Variants in HHAT observed in about 807,000 individuals in gnomAD.
The protein encoded by HHAT is hedgehog acyltransferase.
A neutral mutation model predicts 70.8 loss-of-function variants in HHAT; 47 were observed. That is an observed-to-expected ratio of 0.66 (90% CI 0.53 to 0.85). HHAT has a LOEUF of 0.85. HHAT is among the 40% of genes least tolerant of loss of function. HHAT has a pLI of 0.00. For missense variants in HHAT, 609 were observed against 604.8 expected (o/e 1.01, Z -0.07); for synonymous variants, 228 against 247.6 (o/e 0.92, Z 0.74).
intron 6 of HHAT, among the ~76,000 whole-genome samples, chr1:210,407,358 A>G (rs1256142057): frequency 6.6e-6 from 1 of 152,266 alleles, no homozygotes; most frequent in Non-Finnish European, 1.5e-5. Flanking sequence ...TGGCAGGTCA[A>G]TGCATAAAAA....
At chr1:210,389,159 T>C (rs1323724653) in intron 4 of HHAT, among the ~76,000 whole-genome samples, 1 of 149,930 alleles carries the variant, frequency 6.7e-6, no homozygotes, top group African/African-American at 2.4e-5. Context: ...TATACAGTTA[T>C]GGAGGCTGGG....
At chr1:210,353,381 A>C (rs910007592) in intron 2 of HHAT, among the ~76,000 whole-genome samples, 1 of 152,054 alleles carries the variant, frequency 6.6e-6, no homozygotes, top group African/African-American at 2.4e-5. Context: ...ATTCGGAATA[A>C]AAACTATTGA....
chr1:210,556,839 A>C (rs1296315622), intron 9 of HHAT, among the ~76,000 whole-genome samples: 1 of 152,228 alleles, frequency 6.6e-6, no homozygotes, highest in Non-Finnish European at 1.5e-5. Flanking sequence ...TTTTTCTGGT[A>C]AAGTAAGGAT....
intron 3 of HHAT, among the ~76,000 whole-genome samples, chr1:210,367,906 C>A (rs1362939202): frequency 2.9e-5 from 4 of 135,596 alleles, no homozygotes; most frequent in African/African-American, 1.1e-4. Context: ...GTAAAAGCCC[C>A]TCCCCCACCC....
chr1:210,610,208 G>A (rs1558268262), intron 10 of HHAT, among the ~76,000 whole-genome samples: 1 of 152,040 alleles, frequency 6.6e-6, no homozygotes, highest in Non-Finnish European at 1.5e-5. Flanking sequence ...TTTTATAATT[G>A]CCATTCTGAC....
intron 9 of HHAT, among the ~76,000 whole-genome samples, chr1:210,520,859 C>T (rs990776317): frequency 6.6e-6 from 1 of 152,038 alleles, no homozygotes; most frequent in Non-Finnish European, 1.5e-5. Context: ...CGTCACTTTT[C>T]GTATTTACTC....
At chr1:210,483,042 G>C (rs2094421169) in intron 8 of HHAT, among the ~76,000 whole-genome samples, 1 of 152,122 alleles carries the variant, frequency 6.6e-6, no homozygotes, top group Non-Finnish European at 1.5e-5. Context: ...GCTTTGGGGA[G>C]AGTTATTTTT....
At chr1:210,563,535 A>G (rs1257948720) in intron 9 of HHAT, among the ~76,000 whole-genome samples, 1 of 152,098 alleles carries the variant, frequency 6.6e-6, no homozygotes, top group Non-Finnish European at 1.5e-5. Flanking sequence ...GATCCCCTTC[A>G]CAAGGGCACT....
chr1:210,503,427 C>G (rs1297117943), intron 8 of HHAT, among the ~76,000 whole-genome samples: 1 of 152,160 alleles, frequency 6.6e-6, no homozygotes, highest in African/African-American at 2.4e-5. Flanking sequence ...AACAAATGCC[C>G]ACATGTAACT....
At chr1:210,359,337 T>G (rs1225408550) in intron 2 of HHAT, among the ~76,000 whole-genome samples, 1 of 152,202 alleles carries the variant, frequency 6.6e-6, no homozygotes, top group Non-Finnish European at 1.5e-5. Flanking sequence ...AAATTAGAAA[T>G]TATGGCTTAG....
Position 210,542,500 on chromosome 1 carries a change from T to A in HHAT, c.1043+29312T>A, listed in dbSNP as rs867442893. Among the ~76,000 whole-genome samples the A allele has an allele frequency of 8.2e-3, 1,102 of 133,984 alleles. 6 individuals carry two copies. Among genetic ancestry groups the A allele is most frequent in the South Asian group, 0.034 (140 of 4,110 alleles). The allele number at this position is 133,984 out of a possible 152,430, so 87.9% of individuals were successfully genotyped here. A position where few individuals can be genotyped will look rare whatever the true frequency, so the allele number is the denominator to read the frequency against. ...CAGTGTTTTAGTTAAAAAAAAAATA[T>A]ATATATATATATATTGGTTGGATGC... On this transcript the variant is annotated intron_variant, in intron 9 of 11. Coordinates refer to ENST00000261458, the MANE Select transcript of HHAT (RefSeq NM_018194.6).
intron 1 of HHAT, among the ~76,000 whole-genome samples, chr1:210,339,332 T>C (rs2085792817): frequency 1.3e-5 from 2 of 152,222 alleles, no homozygotes; most frequent in African/African-American, 4.8e-5. Flanking sequence ...TTTTATTGAT[T>C]AGTAACTATT....
intron 11 of HHAT, among the ~76,000 whole-genome samples, chr1:210,652,677 A>G (rs908329964): frequency 1.8e-5 from 2 of 110,712 alleles, no homozygotes; most frequent in South Asian, 2.9e-4. Context: ...GTAGATCTAT[A>G]AGAAAAAGGC....
At chr1:210,601,185 A>G (rs1664181133) in intron 10 of HHAT, among the ~76,000 whole-genome samples, 1 of 152,190 alleles carries the variant, frequency 6.6e-6, no homozygotes, top group Non-Finnish European at 1.5e-5. Flanking sequence ...AGAATTCCAA[A>G]TTGGGTTTAA....
chr1:210,537,914 T>C (rs561139861), intron 9 of HHAT, among the ~76,000 whole-genome samples: 4 of 152,342 alleles, frequency 2.6e-5, no homozygotes, highest in South Asian at 2.1e-4. Context: ...ATTAATTTTA[T>C]AGAGAATTTT....
At chr1:210,333,586 C>G (rs1242540997) in intron 1 of HHAT, among the ~76,000 whole-genome samples, 1 of 151,992 alleles carries the variant, frequency 6.6e-6, no homozygotes, top group Non-Finnish European at 1.5e-5. Context: ...GTAGTATTTT[C>G]AAAGGCTACA....
At chr1:210,536,450 C>A (rs2095372756) in intron 9 of HHAT, among the ~76,000 whole-genome samples, 1 of 152,366 alleles carries the variant, frequency 6.6e-6, no homozygotes, top group African/African-American at 2.4e-5. Context: ...GTGTGTCCAG[C>A]CCAGGCATGC....
At chr1:210,531,725 A>C (rs1299957537) in intron 9 of HHAT, among the ~76,000 whole-genome samples, 2 of 152,218 alleles carry the variant, frequency 1.3e-5, no homozygotes, top group Non-Finnish European at 2.9e-5. Flanking sequence ...ACCCATATGA[A>C]AATGCCTCTC....
intron 11 of HHAT, among the ~76,000 whole-genome samples, chr1:210,641,485 C>A (rs547409419): frequency 6.6e-6 from 1 of 152,194 alleles, no homozygotes; most frequent in East Asian, 1.9e-4. Context: ...TTACTGTGCA[C>A]CAACCTAATA....
Sources: gnomAD v4.1 joint callset for allele counts (sites outside exome capture counted in the v4.1 genomes callset) on GRCh38, gnomAD v4.1.1 for gene constraint, MANE v1.5 for transcripts, NCBI Gene and HGNC (gene_info 2026-07-23, HGNC 2026-07-21) for gene names.